The following CNST variants were observed in gnomAD, a reference collection of about 807,000 sequenced individuals.
CNST encodes consortin, connexin sorting protein, also known as consortin.
A neutral mutation model predicts 72.4 loss-of-function variants in CNST; 39 were observed. The observed-to-expected ratio is 0.54, with a 90% CI of 0.42 to 0.70. The LOEUF is 0.70. Ranked by LOEUF, CNST falls within the 30% of genes least tolerant of loss-of-function variation. CNST has a pLI of 0.00. For missense variants in CNST, 871 were observed against 868.5 expected (o/e 1.00, Z -0.04); for synonymous variants, 332 against 320.1 (o/e 1.04, Z -0.40).
intron 10 of CNST, among the ~76,000 whole-genome samples, chr1:246,664,674 C>A (rs899696234): frequency 1.3e-5 from 2 of 152,066 alleles, no homozygotes; most frequent in Non-Finnish European, 2.9e-5. Flanking sequence ...GATCCGCCCG[C>A]CTCAGCCTCC....
At position 246,566,500 on chromosome 1, in the gene CNST, G is replaced by T. The variant is rs955322455; in HGVS notation, c.-215G>T. ...CTCCAGCCGGCCAGCCGCGAGGGGT[G>T]CGCAGAGGGAGGCGGGGCGGAAAGG... On this transcript the variant is annotated 5_prime_UTR_variant, in exon 1 of 11. Coordinates refer to ENST00000366513, the MANE Select transcript of CNST (RefSeq NM_152609.3). The T allele has an allele frequency of 6.8e-5, 30 of 438,066 alleles. No individual in the cohort carries two copies. Among genetic ancestry groups the T allele is most frequent in the South Asian group, 2.6e-4 (4 of 15,246 alleles). 27.1% of individuals were successfully genotyped at this position (438,066 alleles called of 1,614,324 possible). A position where few individuals can be genotyped will look rare whatever the true frequency, so the allele number is the denominator to read the frequency against.
In CNST at chr1:246,609,746, T is replaced by G. The variant is rs565984819; in HGVS notation, c.380-11683T>G. On this transcript the variant is annotated intron_variant, in intron 2 of 10. Transcript: ENST00000366513. ...TTTATTTCTGATCTGCCTTCCAAAA[T>G]TATGCCCAAGATATGCATCAGCATT... Among the ~76,000 whole-genome samples, 4 of 152,346 alleles carry G rather than the reference T, an allele frequency of 2.6e-5. No individual in the cohort carries two copies. The East Asian group carries it at 7.7e-4, about 29-fold the overall frequency.
Position 246,665,802 on chromosome 1 carries a change from T to C in CNST, c.2075T>C (p.Met692Thr). Residue 692 changes from methionine to threonine, a missense_variant, in exon 11 of 11, where the codon ATG (methionine) becomes ACG (threonine). Physicochemically the swap from Met to Thr is moderately conservative, Grantham distance 81. Coordinates refer to ENST00000366513, the MANE Select transcript of CNST (RefSeq NM_152609.3). ...GCATTATACTGCACTTTCGGTGACATGGAGTCACCTGTTTGTACTGACTTT... is the reference window on the plus strand; with the variant it reads ...GCATTATACTGCACTTTCGGTGACACGGAGTCACCTGTTTGTACTGACTTT... ...GTALYCTFGD[M>T]ESPVCTDFAD... The C allele has an allele frequency of 6.2e-7, 1 of 1,612,852 alleles. No individual in the cohort carries two copies. Among genetic ancestry groups the C allele is most frequent in the Non-Finnish European group, 8.5e-7 (1 of 1,178,840 alleles).
chr1:246,572,206 T>C (rs1247077544), intron 1 of CNST, among the ~76,000 whole-genome samples: 1 of 152,136 alleles, frequency 6.6e-6, no homozygotes, highest in African/African-American at 2.4e-5. Flanking sequence ...TGCTCTGCAC[T>C]CCAGCCTGGG....
At chr1:246,611,955 A>G (rs1663344784) in intron 2 of CNST, among the ~76,000 whole-genome samples, 3 of 152,264 alleles carry the variant, frequency 2.0e-5, no homozygotes, top group Non-Finnish European at 4.4e-5. Context: ...TACAGCACAG[A>G]TAAACCTTGA....
intron 3 of CNST, 32 bp from the exon 4 acceptor site, chr1:246,631,862 A>G (rs770865718): frequency 7.4e-7 from 1 of 1,356,778 alleles, no homozygotes; most frequent in Non-Finnish European, 1.0e-6. Flanking sequence ...GTGTTAATTT[A>G]ATTTTCTCTG....
At position 246,634,510 on chromosome 1, in the gene CNST, G is replaced by A. The variant is rs749636732; in HGVS notation, c.741G>A (p.Thr247=). 1.1e-5 allele frequency: 18 copies of A among 1,604,822 alleles called. No individual in the cohort carries two copies. The highest frequency in any genetic ancestry group is 8.1e-5 in the African/African-American group (6 of 74,352). Residue 247 remains threonine (T), a synonymous_variant, in exon 6 of 11, where the codon ACG becomes ACA. Transcript: ENST00000366513. ...AAACTGTGCAACCACATACAGTTAC[G>A]GCTCTAAGGAATTCAGAAAAGGGAT... ...KWKTVQPHTV[T]ALRNSEKGFN...
intron 2 of CNST, among the ~76,000 whole-genome samples, chr1:246,595,997 C>T (rs1446527053): frequency 6.6e-6 from 1 of 151,988 alleles, no homozygotes; most frequent in Non-Finnish European, 1.5e-5. Context: ...ATGGGTAAAA[C>T]CTTGATCTTA....
At chr1:246,610,678 C>T (rs1179074233) in intron 2 of CNST, among the ~76,000 whole-genome samples, 1 of 152,126 alleles carries the variant, frequency 6.6e-6, no homozygotes, top group African/African-American at 2.4e-5. Context: ...CAGATTGGCT[C>T]TGTGCTCAGG....
intron 3 of CNST, among the ~76,000 whole-genome samples, chr1:246,627,525 C>G (rs568034671): frequency 6.6e-6 from 1 of 152,166 alleles, no homozygotes; most frequent in Admixed American, 6.5e-5. Flanking sequence ...AACTGGGAAT[C>G]CTACTCAGGA....
At chr1:246,615,855 G>A (rs956961745) in intron 2 of CNST, among the ~76,000 whole-genome samples, 30 of 151,660 alleles carry the variant, frequency 2.0e-4, no homozygotes, top group African/African-American at 7.3e-4. Context: ...TCCAGCCTGG[G>A]CAAAAAGAGC....
At position 246,574,972 on chromosome 1, in the gene CNST, T is replaced by TTTTATTTATTTATTTA. The variant is rs150720392; in HGVS notation, c.-52+8333_-52+8348dup. Among the ~76,000 whole-genome samples, 1,047 of 143,640 alleles carry TTTTATTTATTTATTTA rather than the reference T, an allele frequency of 7.3e-3. 7 individuals carry two copies. Among genetic ancestry groups the TTTTATTTATTTATTTA allele is most frequent in the Admixed American group, 0.019 (270 of 14,198 alleles). The allele number at this position is 143,640 out of a possible 152,430, so 94.2% of individuals were successfully genotyped here. A position where few individuals can be genotyped will look rare whatever the true frequency, so the allele number is the denominator to read the frequency against. ...AATCTGAACAAATCTTCCTCAAGTA[T>TTTTATTTATTTATTTA]TTTATTTATTTATTTATTTATTTAT... On this transcript the variant is annotated intron_variant, in intron 1 of 10. Transcript: ENST00000366513.
intron 9 of CNST, among the ~76,000 whole-genome samples, chr1:246,659,563 C>T (rs1666970753): frequency 6.6e-6 from 1 of 151,764 alleles, no homozygotes; most frequent in Non-Finnish European, 1.5e-5. Context: ...CCACTGCACT[C>T]CAGCCTGGGC....
chr1:246,618,578 T>C (rs1178948702), intron 2 of CNST, among the ~76,000 whole-genome samples: 2 of 152,202 alleles, frequency 1.3e-5, no homozygotes, highest in Non-Finnish European at 1.5e-5. Context: ...ATGATTAAAG[T>C]ACGATATTCT....
intron 9 of CNST, among the ~76,000 whole-genome samples, chr1:246,651,952 C>T (rs1306824721): frequency 6.6e-6 from 1 of 152,154 alleles, no homozygotes; most frequent in Non-Finnish European, 1.5e-5. Context: ...GGCCGCATTA[C>T]AGATGCAGTG....
At chr1:246,613,663 T>TCTC in intron 2 of CNST, among the ~76,000 whole-genome samples, 1 of 152 alleles carries the variant, frequency 6.6e-3, no homozygotes, top group East Asian at 0.12. Flanking sequence ...CTCTCTCTCC[T>TCTC]CCTCTCTACC....
intron 3 of CNST, among the ~76,000 whole-genome samples, chr1:246,622,285 A>G (rs1664144635): frequency 6.6e-6 from 1 of 152,256 alleles, no homozygotes; most frequent in South Asian, 2.1e-4. Flanking sequence ...TGCCCGTAAG[A>G]GAGCCCCTGC....
chr1:246,634,610 A>T (rs752140039), intron 6 of CNST, 23 bp downstream of exon 6: 5 of 1,314,416 alleles, frequency 3.8e-6, no homozygotes, highest in Middle Eastern at 1.8e-4. Context: ...GAATTTCGTT[A>T]GAATGAGTTG....
Position 246,629,269 on chromosome 1 carries a change from A to G in CNST, c.586-2625A>G, listed in dbSNP as rs1664628040. 2.0e-5 allele frequency among the ~76,000 whole-genome samples: 3 copies of G among 152,330 alleles called. No individual in the cohort carries two copies. In the South Asian group the frequency reaches 6.2e-4, roughly 32 times the overall value. ...CATGTTCTTTCTGCTCTACTGGGCT[A>G]GCTTTCAGATTTAGAAATATGCTTT... On this transcript the variant is annotated intron_variant, in intron 3 of 10. Transcript: ENST00000366513.
Sources: allele counts gnomAD v4.1 joint callset (sites outside exome capture counted in the v4.1 genomes callset), GRCh38; gene constraint gnomAD v4.1.1; transcripts MANE v1.5; gene names NCBI Gene and HGNC (gene_info 2026-07-23, HGNC 2026-07-21).